The following SOX5 variants were observed in gnomAD, a reference collection of about 807,000 sequenced individuals.
SOX5 encodes the protein SRY-box transcription factor 5, also known as transcription factor SOX-5.
In SOX5, 9 loss-of-function variants were observed where a neutral mutation model predicts 92.0. The ratio of observed to expected loss-of-function variants is 0.10; its 90% CI spans 0.06 to 0.17. SOX5 has a LOEUF of 0.17. SOX5 is among the 10% of genes least tolerant of loss of function. SOX5 has a pLI of 1.00. For synonymous variants in SOX5, 344 were observed against 336.3 expected, an observed-to-expected ratio of 1.02 and a Z score of -0.25; for missense variants, 642 against 944.5, an observed-to-expected ratio of 0.68 and a Z score of 4.20.
chr12:23,904,957 T>C (rs2097276142), intron 1 of SOX5, among the ~76,000 whole-genome samples: 1 of 151,738 alleles, frequency 6.6e-6, no homozygotes, highest in South Asian at 2.1e-4. Context: ...CGCAAAACAA[T>C]GTAAAGGTAC....
intron 4 of SOX5, among the ~76,000 whole-genome samples, chr12:24,194,373 A>T (rs1956805768): frequency 6.6e-6 from 1 of 152,126 alleles, no homozygotes; most frequent in Non-Finnish European, 1.5e-5. Context: ...TACACACAAC[A>T]TGCAGGTGTC....
intron 4 of SOX5, among the ~76,000 whole-genome samples, chr12:23,742,668 TA>T (rs2093840398): frequency 6.6e-6 from 1 of 152,164 alleles, no homozygotes; most frequent in African/African-American, 2.4e-5. Flanking sequence ...AGAATGCGCA[TA>T]ACCTACGAAG....
At chr12:23,953,429 T>C (rs1238812357), upstream of SOX5, among the ~76,000 whole-genome samples, 1 of 152,104 alleles carries the variant, frequency 6.6e-6, no homozygotes, top group Non-Finnish European at 1.5e-5. Context: ...AGATATTCTT[T>C]ACATCACAAC....
chr12:23,879,540 C>A (rs1264762968), intron 2 of SOX5, among the ~76,000 whole-genome samples: 1 of 152,016 alleles, frequency 6.6e-6, no homozygotes, highest in Non-Finnish European at 1.5e-5. Flanking sequence ...CATTAAAAAT[C>A]CTGTATTAGT....
intron 1 of SOX5, among the ~76,000 whole-genome samples, chr12:23,905,997 G>A (rs1348863087): frequency 1.3e-5 from 2 of 152,080 alleles, no homozygotes; most frequent in Non-Finnish European, 2.9e-5. Flanking sequence ...TTTCAATCAA[G>A]TCACTTGAAG....
chr12:24,280,311 A>C (rs544415598), intron 2 of SOX5, among the ~76,000 whole-genome samples: 11 of 152,172 alleles, frequency 7.2e-5, no homozygotes, highest in Non-Finnish European at 1.6e-4. Context: ...CTGTGCCGTG[A>C]AATTGCGTTA....
intron 1 of SOX5, among the ~76,000 whole-genome samples, chr12:24,417,612 G>T (rs372808938): frequency 1.3e-5 from 2 of 152,160 alleles, no homozygotes; most frequent in Non-Finnish European, 2.9e-5. Flanking sequence ...CAAATGAACT[G>T]AACAGAATAT....
At chr12:24,376,794 T>G (rs375339860) in intron 1 of SOX5, among the ~76,000 whole-genome samples, 1 of 144,252 alleles carries the variant, frequency 6.9e-6, no homozygotes, top group African/African-American at 2.6e-5. Context: ...GCAGCCTTGA[T>G]CTCCTAGGCT....
At chr12:23,745,748 C>A (rs1355852191) in intron 4 of SOX5, among the ~76,000 whole-genome samples, 2 of 151,780 alleles carry the variant, frequency 1.3e-5, no homozygotes, top group East Asian at 3.9e-4. Context: ...TTGTTCTCTT[C>A]TTTGGGAATC....
intron 1 of SOX5, among the ~76,000 whole-genome samples, chr12:24,511,557 T>C (rs1469037350): frequency 1.3e-5 from 2 of 152,244 alleles, no homozygotes. Context: ...ACTAAGCACC[T>C]AGCAGGAGCA....
At chr12:23,898,897 C>T (rs1034187300) in intron 1 of SOX5, among the ~76,000 whole-genome samples, 7 of 152,058 alleles carry the variant, frequency 4.6e-5, no homozygotes, top group South Asian at 2.1e-4. Context: ...AAAGCAACCA[C>T]GGTTATACTT....
intron 4 of SOX5, among the ~76,000 whole-genome samples, chr12:24,072,248 A>T (rs1941889316): frequency 6.6e-6 from 1 of 152,222 alleles, no homozygotes; most frequent in Non-Finnish European, 1.5e-5. Context: ...TTTCCTTGAG[A>T]TGCGTGGATA....
intron 3 of SOX5, among the ~76,000 whole-genome samples, chr12:23,845,263 G>A (rs553992187): frequency 6.6e-6 from 1 of 152,312 alleles, no homozygotes; most frequent in South Asian, 2.1e-4. Flanking sequence ...CCATGCTTAG[G>A]ATGGACAGAG....
chr12:23,539,764 C>G (rs1941517560), intron 13 of SOX5, among the ~76,000 whole-genome samples: 1 of 152,102 alleles, frequency 6.6e-6, no homozygotes, highest in Non-Finnish European at 1.5e-5. Context: ...GAGAGTATCA[C>G]TGAATCCTAA....
At chr12:23,707,799 G>T (rs2091588659) in intron 6 of SOX5, among the ~76,000 whole-genome samples, 1 of 151,996 alleles carries the variant, frequency 6.6e-6, no homozygotes, top group Admixed American at 6.6e-5. Flanking sequence ...AAGTTAATTT[G>T]CACTTCCACA....
chr12:23,571,830 T>C (rs1948426637), intron 10 of SOX5, among the ~76,000 whole-genome samples: 1 of 152,164 alleles, frequency 6.6e-6, no homozygotes, highest in African/African-American at 2.4e-5. Flanking sequence ...ATCTGCTAAA[T>C]AACAAGCTTT....
At chr12:24,401,238 G>C (rs1285577768) in intron 1 of SOX5, among the ~76,000 whole-genome samples, 1 of 151,784 alleles carries the variant, frequency 6.6e-6, no homozygotes, top group Non-Finnish European at 1.5e-5. Context: ...TGTAGTCCCA[G>C]CTACTCAGGG....
At chr12:23,624,044 A>T (rs1236773473) in intron 8 of SOX5, among the ~76,000 whole-genome samples, 1 of 152,136 alleles carries the variant, frequency 6.6e-6, no homozygotes, top group Non-Finnish European at 1.5e-5. Flanking sequence ...TACAACATGG[A>T]TAAACATTGA....
At chr12:23,936,916 A>T (rs1003954836) in intron 1 of SOX5, among the ~76,000 whole-genome samples, 1 of 150,996 alleles carries the variant, frequency 6.6e-6, no homozygotes, top group Non-Finnish European at 1.5e-5. Context: ...TTTGGCTCAG[A>T]TTAGTCACAT....
Sources: allele counts gnomAD v4.1 joint callset (sites outside exome capture counted in the v4.1 genomes callset), GRCh38; gene constraint gnomAD v4.1.1; transcripts MANE v1.5; gene names NCBI Gene and HGNC (gene_info 2026-07-23, HGNC 2026-07-21).